The following KIF19 variants were observed in gnomAD, a reference collection of about 807,000 sequenced individuals.
The protein encoded by KIF19 is kinesin-like protein KIF19.
In KIF19, 98 loss-of-function variants were observed where a neutral mutation model predicts 106.6. The observed-to-expected ratio is 0.92, with a 90% CI of 0.78 to 1.09. KIF19 has a LOEUF of 1.09. Among genes scored for constraint, KIF19 ranks in the 50% least tolerant of loss-of-function variants. The pLI, the probability that KIF19 is intolerant of heterozygous loss-of-function variation, is 0.00. For synonymous variants in KIF19, 516 were observed against 584.2 expected (o/e 0.88, Z 1.68); for missense variants, 1,373 against 1,414.3 (o/e 0.97, Z 0.47).
At chr17:74,340,216 C>T (rs2054328783) in intron 2 of KIF19, among the ~76,000 whole-genome samples, 1 of 152,148 alleles carries the variant, frequency 6.6e-6, no homozygotes, top group South Asian at 2.1e-4. Flanking sequence ...CCTTTGCTGC[C>T]CCTGCTCCTC....
At chr17:74,348,010 C>T (rs2054588205) in intron 9 of KIF19, 111 bp downstream of exon 9, 3 of 1,265,678 alleles carry the variant, frequency 2.4e-6, no homozygotes, top group Non-Finnish European at 3.3e-6. Context: ...CACTGCTGCA[C>T]TGGCCTCATT....
At position 74,332,210 on chromosome 17, in the gene KIF19, T is replaced by TGTTTGTGTG. The variant is rs1567897631; in HGVS notation, c.120+3705_120+3706insGTTTGTGTG. On this transcript the variant is annotated intron_variant, in intron 2 of 19. Transcript: ENST00000389916. ...TGTGTGTGTGTGTGTGTGTGTGTGT[T>TGTTTGTGTG]TGTGTGTGTGTGTGTGTGTGTGTGT... Among the ~76,000 whole-genome samples the TGTTTGTGTG allele has an allele frequency of 8.3e-5, 9 of 108,844 alleles. 2 individuals are homozygous for TGTTTGTGTG. The South Asian group carries it at 1.3e-3, about 16-fold the overall frequency. 71.4% of individuals were successfully genotyped at this position (108,844 alleles called of 152,430 possible). A position where few individuals can be genotyped will look rare whatever the true frequency, so the allele number is the denominator to read the frequency against.
intron 3 of KIF19, 117 bp downstream of exon 3, chr17:74,342,103 A>C: frequency 1.4e-6 from 1 of 721,476 alleles, no homozygotes; most frequent in Non-Finnish European, 2.4e-6. Flanking sequence ...CCACCTGCTC[A>C]CCCTCTGTTC....
Position 74,353,187 on chromosome 17 carries a change from C to G in KIF19, c.2115-9C>G. On this transcript the variant is annotated splice_polypyrimidine_tract_variant and intron_variant, in intron 15 of 19. Transcript: ENST00000389916. ...TCTACAGCCACTCATCTTCCTCTGCCAACTTCAGTGAAGGCCACCACGTGT... is the reference window on the plus strand; with the variant it reads ...TCTACAGCCACTCATCTTCCTCTGCGAACTTCAGTGAAGGCCACCACGTGT... 1 of 1,575,680 alleles carries G rather than the reference C, an allele frequency of 6.3e-7. No homozygotes were observed. Among genetic ancestry groups the G allele is most frequent in the Non-Finnish European group, 8.6e-7 (1 of 1,160,260 alleles).
chr17:74,348,087 G>T (rs1045264707), intron 9 of KIF19, among the ~76,000 whole-genome samples, 188 bp downstream of exon 9: 1 of 152,196 alleles, frequency 6.6e-6, no homozygotes, highest in Admixed American at 6.5e-5. Context: ...CCGGGAAGCC[G>T]ACAGCTCCCA....
At chr17:74,342,030 C>T (rs778580026) in intron 3 of KIF19, 44 bp downstream of exon 3, 4 of 1,201,016 alleles carry the variant, frequency 3.3e-6, no homozygotes, top group Non-Finnish European at 4.8e-6. Context: ...GCCCCTCCCC[C>T]ACCCTTAGCC....
intron 12 of KIF19, 55 bp downstream of exon 12, chr17:74,350,960 G>T (rs766390757): frequency 1.3e-6 from 2 of 1,588,624 alleles, no homozygotes; most frequent in South Asian, 2.2e-5. Context: ...GGGTGAGCAG[G>T]TTTGAGAGGC....
At chr17:74,342,857 G>A (rs765231753) in intron 4 of KIF19, 140 bp downstream of exon 4, 39 of 1,195,364 alleles carry the variant, frequency 3.3e-5, no homozygotes, top group Non-Finnish European at 4.5e-5. Flanking sequence ...TCCAGCCCCA[G>A]AGGCCCCAAC....
chr17:74,345,096 A>G lies in KIF19; in HGVS notation c.777+141A>G, dbSNP rs77811595. On this transcript the variant is annotated intron_variant, in intron 7 of 19. Coordinates refer to ENST00000389916, the MANE Select transcript of KIF19 (RefSeq NM_153209.4). ...GGGAGGTGGGGACAGGGACGCTGGC[A>G]TCTCAGCTTCGTAGGAGTTGGAGCG... 9.1e-3 allele frequency: 7,399 copies of G among 812,212 alleles called. 49 individuals carry two copies. The highest frequency in any genetic ancestry group is 0.012 in the Non-Finnish European group (6,381 of 527,594). 50.3% of individuals were successfully genotyped at this position (812,212 alleles called of 1,614,324 possible). A position where few individuals can be genotyped will look rare whatever the true frequency, so the allele number is the denominator to read the frequency against.
Position 74,354,247 on chromosome 17 carries a change from A to T in KIF19, c.2394A>T (p.Arg798=). The T allele has an allele frequency of 6.2e-7, 1 of 1,608,594 alleles. No individual in the cohort carries two copies. The highest frequency in any genetic ancestry group is 8.5e-7 in the Non-Finnish European group (1 of 1,179,390). ...CGCGGGCCCTGGGAACCGAGGGGCG[A>T]CACCTGCTGGCACCCGCGACAGAGC... ...RRSRALGTEG[R]HLLAPATERS... Residue 798 remains arginine, a synonymous_variant, in exon 18 of 20, where the codon CGA becomes CGT. Transcript: ENST00000389916.
intron 19 of KIF19, 84 bp downstream of exon 19, chr17:74,355,025 T>C (rs984896289): frequency 7.7e-6 from 12 of 1,549,794 alleles, no homozygotes; most frequent in Middle Eastern, 1.7e-4. Context: ...TTCCTGCGCC[T>C]CTGGCTGCCC....
chr17:74,332,210 T>TTTGTGTGTGTG (rs2054109578), intron 2 of KIF19, among the ~76,000 whole-genome samples: 2 of 108,846 alleles, frequency 1.8e-5, no homozygotes, highest in Admixed American at 8.5e-5. Context: ...GTGTGTGTGT[T>TTTGTGTGTGTG]TGTGTGTGTG....
rs1168150555 is a variant in KIF19 at position 74,341,934 on chromosome 17, C to A, written c.179C>A (p.Ser60Tyr). Residue 60 changes from serine (S) to tyrosine (Y), a missense_variant, in exon 3 of 20, where the codon TCC (serine) becomes TAC (tyrosine). Around this residue, in one of 3 missense-constraint regions of KIF19, gnomAD observed 348 missense variants for 389.5 expected, o/e 0.89. Transcript: ENST00000389916. ...DPDDILRAHR[S>Y]REKSYLFDVA... is the part of the protein sequence containing the mutation. ...GACGACATCCTGCGGGCGCATCGCT[C>A]CCGGGAGAAGTCCTACCTGTTCGAC... The A allele has an allele frequency of 6.2e-7, 1 of 1,613,496 alleles. No individual in the cohort carries two copies. The highest frequency in any genetic ancestry group is 8.5e-7 in the Non-Finnish European group (1 of 1,179,734).
At chr17:74,347,339 C>T (rs1360350450) in intron 8 of KIF19, among the ~76,000 whole-genome samples, 1 of 152,140 alleles carries the variant, frequency 6.6e-6, no homozygotes, top group Admixed American at 6.5e-5. Flanking sequence ...GAGTTCAAGA[C>T]AAGCCTGGCC....
intron 2 of KIF19, among the ~76,000 whole-genome samples, chr17:74,338,763 C>A (rs2054282704): frequency 6.6e-6 from 1 of 151,904 alleles, no homozygotes; most frequent in Non-Finnish European, 1.5e-5. Context: ...TGGGACTGGG[C>A]ATTCTAAATC....
rs1397378149 is a variant in KIF19 at position 74,350,579 on chromosome 17, A to C, written c.1388+4A>C. 1.2e-6 allele frequency: 2 copies of C among 1,612,598 alleles called. No homozygotes were observed. The highest frequency in any genetic ancestry group is 2.7e-5 in the African/African-American group (2 of 74,916). On this transcript the variant is annotated splice_donor_region_variant and intron_variant, in intron 11 of 19. Transcript: ENST00000389916. Reference sequence around the variant, plus strand: ...GACACCTGCTCACCATCGCCGGGTAAGCCCCCCTCCCAGGACCCTCCAGGC... The same window carrying C: ...GACACCTGCTCACCATCGCCGGGTACGCCCCCCTCCCAGGACCCTCCAGGC...
chr17:74,340,533 G>A (rs1017737213), intron 2 of KIF19, among the ~76,000 whole-genome samples: 4 of 143,662 alleles, frequency 2.8e-5, no homozygotes, highest in African/African-American at 5.5e-5. Flanking sequence ...CTCAACACAC[G>A]TGCCAGCAGG....
At chr17:74,336,056 T>C (rs1294207812) in intron 2 of KIF19, among the ~76,000 whole-genome samples, 3 of 152,162 alleles carry the variant, frequency 2.0e-5, no homozygotes, top group Non-Finnish European at 4.4e-5. Flanking sequence ...CAGGCCTCTC[T>C]CCTTGGCTTT....
In KIF19 at chr17:74,353,541, C is replaced by G. The variant is rs539335273; in HGVS notation, c.2268C>G (p.Asp756Glu). The change falls in exon 17 of 20, where the codon GAC (aspartate) becomes GAG (glutamate). Residue 756 changes from aspartate (D) to glutamate (E), a missense_variant. Coordinates refer to ENST00000389916, the MANE Select transcript of KIF19 (RefSeq NM_153209.4). ...SLGSWINSSP[D>E]SSENLSEIPL... ...GCAGCTGGATCAACTCTTCCCCTGA[C>G]AGCAGTGAGAACCTGTCGGAGATCC... 1.2e-6 allele frequency: 2 copies of G among 1,613,774 alleles called. No individual in the cohort carries two copies. The highest frequency in any genetic ancestry group is 1.7e-6 in the Non-Finnish European group (2 of 1,179,892).
Sources: allele counts gnomAD v4.1 joint callset (sites outside exome capture counted in the v4.1 genomes callset), GRCh38; gene constraint gnomAD v4.1.1; regional missense constraint gnomAD v4.1.1; transcripts MANE v1.5; gene names NCBI Gene and HGNC (gene_info 2026-07-23, HGNC 2026-07-21).